Variants in ERC1 observed in about 807,000 individuals in gnomAD.
ERC1 encodes ELKS/RAB6-interacting/CAST family member 1.
A neutral mutation model predicts 132.0 loss-of-function variants in ERC1; 56 were observed. The observed-to-expected ratio is 0.42, with a 90% CI of 0.34 to 0.53. The LOEUF is 0.53. Ranked by LOEUF, ERC1 falls within the 20% of genes least tolerant of loss-of-function variation. ERC1 has a pLI of 0.03. For missense variants in ERC1, 1,202 were observed against 1,349.9 expected (o/e 0.89, Z 1.72); for synonymous variants, 478 against 476.1 (o/e 1.00, Z -0.05).
intron 18 of ERC1, among the ~76,000 whole-genome samples, chr12:1,470,055 G>C (rs930739729): frequency 6.6e-6 from 1 of 151,694 alleles, no homozygotes; most frequent in Admixed American, 6.6e-5. Context: ...TCACATCAAA[G>C]GGTCATTTCG....
chr12:1,488,083 A>G (rs983951736), intron 18 of ERC1, among the ~76,000 whole-genome samples: 3 of 148,086 alleles, frequency 2.0e-5, no homozygotes, highest in Non-Finnish European at 4.5e-5. Context: ...GGTTGCAGTG[A>G]GCTGAGATCG....
At chr12:1,341,161 T>A (rs2083848194) in intron 15 of ERC1, among the ~76,000 whole-genome samples, 2 of 124,084 alleles carry the variant, frequency 1.6e-5, no homozygotes, top group African/African-American at 5.9e-5. Context: ...TGGCGCAATC[T>A]CGGCTCACTG....
chr12:1,348,336 G>A (rs999771067), intron 15 of ERC1, among the ~76,000 whole-genome samples: 5 of 152,180 alleles, frequency 3.3e-5, no homozygotes, highest in Non-Finnish European at 7.3e-5. Context: ...AGGAAACTTA[G>A]TGAACCATAC....
chr12:1,052,735 G>A (rs1046780666), intron 2 of ERC1, among the ~76,000 whole-genome samples: 36 of 152,122 alleles, frequency 2.4e-4, no homozygotes, highest in African/African-American at 8.2e-4. Context: ...TTTGGGAGGC[G>A]GAGGAGGGCG....
At chr12:1,178,684 G>A (rs559536187) in intron 8 of ERC1, among the ~76,000 whole-genome samples, 7 of 152,244 alleles carry the variant, frequency 4.6e-5, no homozygotes, top group Admixed American at 1.3e-4. Flanking sequence ...TGAAAACCAC[G>A]TAGAAAAATC....
chr12:1,176,401 CTTCATTGTTCCA>C (rs1439698950), intron 8 of ERC1, among the ~76,000 whole-genome samples: 2 of 152,056 alleles, frequency 1.3e-5, no homozygotes, highest in Non-Finnish European at 2.9e-5. Flanking sequence ...GTGATAGAGG[CTTCATTGTTCCA>C]TTTATAAAGC....
chr12:1,425,392 T>C (rs1174192243), intron 17 of ERC1, among the ~76,000 whole-genome samples: 1 of 152,200 alleles, frequency 6.6e-6, no homozygotes, highest in Non-Finnish European at 1.5e-5. Flanking sequence ...GTAGAAGCTC[T>C]TGACAAACAG....
chr12:1,417,756 G>A (rs1416383730), intron 17 of ERC1, among the ~76,000 whole-genome samples: 1 of 148,766 alleles, frequency 6.7e-6, no homozygotes, highest in Admixed American at 6.7e-5. Context: ...ACTTCAGCCT[G>A]GGCAACAGAG....
In ERC1 at chr12:1,428,134, G is replaced by C. The variant is rs569130002; in HGVS notation, c.3025-16428G>C. On this transcript the variant is annotated intron_variant, in intron 17 of 18. Transcript: ENST00000360905. ...TTATGGGCATTTTACTAATGAGGAAGAGCTATCTTCCCCTATTTGTGGTAT... is the reference window on the plus strand; with the variant it reads ...TTATGGGCATTTTACTAATGAGGAACAGCTATCTTCCCCTATTTGTGGTAT... Among the ~76,000 whole-genome samples the C allele has an allele frequency of 2.0e-5, 3 of 152,260 alleles. No homozygotes were observed. The East Asian group carries it at 5.8e-4, about 29-fold the overall frequency.
chr12:1,121,924 T>TATTG, intron 7 of ERC1, among the ~76,000 whole-genome samples: 1 of 5,080 alleles, frequency 2.0e-4, no homozygotes, highest in Non-Finnish European at 2.3e-3. Flanking sequence ...TCTCTATCTC[T>TATTG]ATCTGTGTCT....
At chr12:1,456,358 G>T (rs73599909) in intron 18 of ERC1, among the ~76,000 whole-genome samples, 2,546 of 152,148 alleles carry the variant, frequency 0.017, 66 homozygotes, top group African/African-American at 0.059. Flanking sequence ...TTTTTTGAAG[G>T]CTTAAGTATT....
chr12:1,100,376 G>A (rs1037318707), intron 3 of ERC1, among the ~76,000 whole-genome samples: 3 of 152,206 alleles, frequency 2.0e-5, no homozygotes, highest in Admixed American at 2.0e-4. Flanking sequence ...CATAAGGACT[G>A]TGACTTTTAC....
intron 1 of ERC1, among the ~76,000 whole-genome samples, chr12:996,526 G>A (rs1023235389): frequency 3.9e-5 from 6 of 152,054 alleles, no homozygotes; most frequent in Admixed American, 3.3e-4. Context: ...AGGCTGTAGT[G>A]TGCTATGATT....
At chr12:1,198,575 T>A (rs987258875) in intron 12 of ERC1, among the ~76,000 whole-genome samples, 2 of 152,232 alleles carry the variant, frequency 1.3e-5, no homozygotes. Flanking sequence ...TAACCATCTT[T>A]TCCATACCTC....
chr12:1,385,871 T>C (rs1421856344), intron 16 of ERC1: 2 of 152,184 alleles, frequency 1.3e-5, no homozygotes, highest in African/African-American at 4.8e-5. Context: ...CTCTTACTTT[T>C]GTGTCGTCTA....
intron 2 of ERC1, among the ~76,000 whole-genome samples, chr12:1,076,762 T>G (rs1306861480): frequency 6.6e-6 from 1 of 152,238 alleles, no homozygotes; most frequent in Non-Finnish European, 1.5e-5. Context: ...ATGCGGCTAA[T>G]ATACAGTAGC....
At chr12:1,106,093 C>T (rs980475657) in intron 4 of ERC1, among the ~76,000 whole-genome samples, 2 of 152,198 alleles carry the variant, frequency 1.3e-5, no homozygotes, top group Non-Finnish European at 1.5e-5. Flanking sequence ...CAAAATCTCG[C>T]TTCACTTAAC....
intron 14 of ERC1, among the ~76,000 whole-genome samples, chr12:1,286,057 G>A (rs554954710): frequency 6.6e-6 from 1 of 152,092 alleles, no homozygotes; most frequent in Non-Finnish European, 1.5e-5. Flanking sequence ...ACTTTGGGAG[G>A]CCAAGGCAGG....
At chr12:1,096,639 A>C (rs1593266192) in intron 3 of ERC1, among the ~76,000 whole-genome samples, 1 of 152,248 alleles carries the variant, frequency 6.6e-6, no homozygotes, top group East Asian at 1.9e-4. Context: ...ATTATGGCCT[A>C]AACTAATTAA....
Sources: gnomAD v4.1 joint callset for allele counts (sites outside exome capture counted in the v4.1 genomes callset) on GRCh38, gnomAD v4.1.1 for gene constraint, MANE v1.5 for transcripts, NCBI Gene and HGNC (gene_info 2026-07-23, HGNC 2026-07-21) for gene names.